Variants in GDA observed in about 807,000 individuals in gnomAD.
The protein encoded by GDA is guanine deaminase.
A neutral mutation model predicts 59.6 loss-of-function variants in GDA; 18 were observed. That is an observed-to-expected ratio of 0.30 (90% CI 0.21 to 0.45). The LOEUF is 0.45. Ranked by LOEUF, GDA falls within the 20% of genes least tolerant of loss-of-function variation. GDA has a pLI of 1.00. For missense variants in GDA, 427 were observed against 552.3 expected (o/e 0.77, Z 2.27); for synonymous variants, 201 against 201.1 (o/e 1.00, Z 0.00).
intron 1 of GDA, among the ~76,000 whole-genome samples, chr9:72,176,423 G>A (rs979508366): frequency 3.9e-5 from 6 of 152,204 alleles, no homozygotes; most frequent in East Asian, 3.8e-4. Context: ...GAGGGAACTC[G>A]GCTCCACCTT....
chr9:72,125,960 A>G (rs912674404), intron 1 of GDA, among the ~76,000 whole-genome samples: 1 of 152,186 alleles, frequency 6.6e-6, no homozygotes, highest in African/African-American at 2.4e-5. Flanking sequence ...TCTGTTGCCC[A>G]GGCTGGAGTG....
At chr9:72,231,253 G>T in intron 10 of GDA, 72 bp downstream of exon 10, 3 of 847,672 alleles carry the variant, frequency 3.5e-6, no homozygotes, top group Non-Finnish European at 2.1e-6. Flanking sequence ...TGACTAATTT[G>T]CAGGTGACTG....
chr9:72,170,785 C>T (rs1027034104), intron 1 of GDA, among the ~76,000 whole-genome samples: 20 of 151,596 alleles, frequency 1.3e-4, no homozygotes, highest in Middle Eastern at 3.4e-3. Flanking sequence ...TTCTCTCTAC[C>T]CATGAGATCC....
intron 1 of GDA, among the ~76,000 whole-genome samples, chr9:72,168,796 A>T (rs537599546): frequency 6.6e-6 from 1 of 152,134 alleles, no homozygotes; most frequent in South Asian, 2.1e-4. Context: ...CTTTATCTCT[A>T]TTTTTCAGAT....
chr9:72,212,364 C>T (rs988408259), intron 4 of GDA, among the ~76,000 whole-genome samples: 1 of 151,824 alleles, frequency 6.6e-6, no homozygotes, highest in African/African-American at 2.4e-5. Flanking sequence ...CGCCTGTAGT[C>T]CCAGCTACTC....
chr9:72,235,201 C>T (rs998263465), intron 10 of GDA, among the ~76,000 whole-genome samples: 2 of 152,202 alleles, frequency 1.3e-5, no homozygotes, highest in Admixed American at 1.3e-4. Flanking sequence ...ATGTTAAAAA[C>T]CTATCAGAAT....
chr9:72,118,099 C>G (rs551498709), intron 1 of GDA, among the ~76,000 whole-genome samples: 2 of 151,706 alleles, frequency 1.3e-5, no homozygotes, highest in South Asian at 4.2e-4. Context: ...GGTGAAACCC[C>G]GTCTCCACTA....
At chr9:72,153,570 G>C (rs1827498408) in intron 1 of GDA, among the ~76,000 whole-genome samples, 1 of 150,430 alleles carries the variant, frequency 6.6e-6, no homozygotes, top group Admixed American at 6.6e-5. Context: ...GCAAAGACTT[G>C]GAACCAACCC....
At chr9:72,153,643 T>C (rs1302992233) in intron 1 of GDA, among the ~76,000 whole-genome samples, 1 of 151,246 alleles carries the variant, frequency 6.6e-6, no homozygotes, top group Admixed American at 6.6e-5. Flanking sequence ...TGGAATACTA[T>C]GCAGCCATAA....
At chr9:72,152,536 G>C (rs914942881) in intron 1 of GDA, among the ~76,000 whole-genome samples, 1 of 152,178 alleles carries the variant, frequency 6.6e-6, no homozygotes, top group African/African-American at 2.4e-5. Context: ...TTCTCTGATG[G>C]CCAGTGATGA....
At chr9:72,148,300 GGTGTGTGTATGTGTGTGTGTGTGT>G (rs1333977761), upstream of GDA, among the ~76,000 whole-genome samples, 17 of 119,804 alleles carry the variant, frequency 1.4e-4, no homozygotes, top group South Asian at 4.7e-3. Flanking sequence ...TTCTGTTATT[GGTGTGTGTATGTGTGTGTGTGTGT>G]GTGTGTGTGT....
At chr9:72,178,961 G>A (rs1830852625) in intron 1 of GDA, among the ~76,000 whole-genome samples, 1 of 152,108 alleles carries the variant, frequency 6.6e-6, no homozygotes, top group Admixed American at 6.6e-5. Context: ...GTGCTATCTA[G>A]TAAACAAACT....
At chr9:72,202,891 AGT>A in intron 3 of GDA, 149 bp downstream of exon 3, 4 of 477,672 alleles carry the variant, frequency 8.4e-6, no homozygotes, top group South Asian at 4.2e-5. Context: ...CAGTCCAGTG[AGT>A]TTGTGACCAC....
intron 1 of GDA, among the ~76,000 whole-genome samples, chr9:72,166,389 G>A (rs1440732784): frequency 7.4e-6 from 1 of 135,498 alleles, no homozygotes; most frequent in Non-Finnish European, 1.6e-5. Context: ...CAGAATGATA[G>A]ATACCAGAGA....
At chr9:72,212,060 A>G (rs1835440659) in intron 4 of GDA, among the ~76,000 whole-genome samples, 1 of 152,194 alleles carries the variant, frequency 6.6e-6, no homozygotes, top group African/African-American at 2.4e-5. Context: ...CCATTGTCCC[A>G]TATAGCCTCA....
chr9:72,119,288 T>C (rs1825579339), intron 1 of GDA, among the ~76,000 whole-genome samples: 1 of 152,134 alleles, frequency 6.6e-6, no homozygotes. Flanking sequence ...GCAGATTCCA[T>C]GAGCTCAGGA....
intron 1 of GDA, among the ~76,000 whole-genome samples, chr9:72,190,121 T>C (rs1832351067): frequency 6.6e-6 from 1 of 152,126 alleles, no homozygotes; most frequent in Non-Finnish European, 1.5e-5. Flanking sequence ...CTTGTTTTTT[T>C]GTTTGTTTGT....
chr9:72,146,771 C>CT (rs1490197512), upstream of GDA, among the ~76,000 whole-genome samples: 1 of 152,184 alleles, frequency 6.6e-6, no homozygotes, highest in African/African-American at 2.4e-5. Flanking sequence ...GGATTACAGT[C>CT]ATGAGCCACC....
chr9:72,215,712 G>C (rs977654138), intron 5 of GDA, among the ~76,000 whole-genome samples: 2 of 152,182 alleles, frequency 1.3e-5, no homozygotes, highest in African/African-American at 4.8e-5. Context: ...GAGGGACCAA[G>C]GCCCACTCTG....
Sources: allele counts gnomAD v4.1 joint callset (sites outside exome capture counted in the v4.1 genomes callset), GRCh38; gene constraint gnomAD v4.1.1; transcripts MANE v1.5; gene names NCBI Gene and HGNC (gene_info 2026-07-23, HGNC 2026-07-21).